Variants in DYSF observed in about 807,000 individuals in gnomAD.
DYSF encodes dystrophy-associated fer-1-like 1.
In DYSF, 212 loss-of-function variants were observed where a neutral mutation model predicts 274.9. The ratio of observed to expected loss-of-function variants is 0.77; its 90% CI spans 0.69 to 0.86. The LOEUF (loss-of-function observed/expected upper bound fraction) is 0.86. Among genes scored for constraint, DYSF ranks in the 40% least tolerant of loss-of-function variants. The pLI is 0.00. For missense variants in DYSF, 2,666 were observed against 2,783.2 expected (o/e 0.96, Z 0.95); for synonymous variants, 1,091 against 1,078.7 (o/e 1.01, Z -0.22).
At chr2:71,453,973 C>A in exon 1 of DYSF, 1 of 1,613,048 alleles carries the variant, frequency 6.2e-7, no homozygotes, top group South Asian at 1.1e-5. Context: ...GCGCCCTGGG[C>A]GCACGGGGCC....
chr2:71,686,325 G>A (rs959388036), intron 55 of DYSF, 129 bp from the exon 56 acceptor site: 10 of 1,160,952 alleles, frequency 8.6e-6, no homozygotes, highest in South Asian at 3.7e-5. Context: ...AGCCACGAGC[G>A]TCCTCTCCCA....
At chr2:71,456,753 T>A (rs1055657513) in intron 1 of DYSF, among the ~76,000 whole-genome samples, 3 of 152,092 alleles carry the variant, frequency 2.0e-5, no homozygotes, top group Non-Finnish European at 4.4e-5. Flanking sequence ...CTGGCCAAGG[T>A]CACATAGTGG....
chr2:71,683,787 G>C (rs893226834), intron 55 of DYSF, among the ~76,000 whole-genome samples: 2 of 152,244 alleles, frequency 1.3e-5, no homozygotes, highest in African/African-American at 4.8e-5. Context: ...CTGCCCCCAG[G>C]TGAGCTCTTT....
rs1207870054 is a variant in DYSF, at chr2:71,611,591, C to A, written c.4186C>A (p.Pro1396Thr). ...TGTCATCAGGAACCTCCGGAAGAAC[C>A]CCAACTTTGACATCTGCACCCTCTT... ...SCVIRNLRKN[P>T]NFDICTLFME... Residue 1396 changes from proline to threonine, a missense_variant, in exon 38 of 56, where the codon CCC becomes ACC. Around this residue, in one of 3 missense-constraint regions of DYSF, gnomAD observed 1,460 missense variants for 1,502.1 expected, o/e 0.97. Transcript: ENST00000410020. The A allele has an allele frequency of 6.2e-7, 1 of 1,614,032 alleles. No individual in the cohort carries two copies. Among genetic ancestry groups the A allele is most frequent in the Admixed American group, 1.7e-5 (1 of 60,008 alleles).
At chr2:71,560,570 A>G (rs1432456490) in intron 22 of DYSF, among the ~76,000 whole-genome samples, 1 of 152,100 alleles carries the variant, frequency 6.6e-6, no homozygotes, top group Non-Finnish European at 1.5e-5. Flanking sequence ...AAGTTTCCCG[A>G]GATGGAGTTT....
At chr2:71,517,732 C>T (rs994499300) in intron 10 of DYSF, among the ~76,000 whole-genome samples, 1 of 152,116 alleles carries the variant, frequency 6.6e-6, no homozygotes, top group Admixed American at 6.5e-5. Flanking sequence ...ATATTTCAGA[C>T]GTCCTGAGAA....
At chr2:71,533,166 T>A (rs1050099715) in intron 14 of DYSF, among the ~76,000 whole-genome samples, 1 of 152,098 alleles carries the variant, frequency 6.6e-6, no homozygotes. Context: ...ACTATAGGCA[T>A]GTGACACCAC....
In DYSF at chr2:71,551,024, C is replaced by T. The variant is rs540107888; in HGVS notation, c.1577-17C>T. On this transcript the variant is annotated splice_polypyrimidine_tract_variant and intron_variant, in intron 17 of 55. Coordinates refer to ENST00000410020, the MANE Select transcript of DYSF (RefSeq NM_001130987.2). ...CCCACTGGGCCGACCCCTCTGATTGCCACTTGTGTCTCCCAGTGGATGACT... is the reference window on the plus strand; with the variant it reads ...CCCACTGGGCCGACCCCTCTGATTGTCACTTGTGTCTCCCAGTGGATGACT... The T allele has an allele frequency of 1.9e-6, 3 of 1,611,730 alleles. No individual in the cohort carries two copies. The African/African-American group carries it at 4.0e-5, about 21-fold the overall frequency.
At chr2:71,666,112 C>T (rs1391938806) in intron 47 of DYSF, among the ~76,000 whole-genome samples, 9 of 147,750 alleles carry the variant, frequency 6.1e-5, no homozygotes, top group Non-Finnish European at 1.2e-4. Flanking sequence ...GGCCATAAGG[C>T]GCCCCCAGCC....
At chr2:71,511,767 C>G (rs2086118003) in intron 4 of DYSF, 40 bp from the exon 5 acceptor site, 1 of 1,244,788 alleles carries the variant, frequency 8.0e-7, no homozygotes, top group African/African-American at 1.6e-5. Context: ...TGGTCCGAGG[C>G]CAGCGCACCA....
chr2:71,458,458 C>T (rs2081159481), intron 1 of DYSF, among the ~76,000 whole-genome samples: 1 of 152,196 alleles, frequency 6.6e-6, no homozygotes, highest in South Asian at 2.1e-4. Context: ...TGTCTGCCCC[C>T]AGGGACACTG....
chr2:71,584,392 G>A (rs1026852019), intron 30 of DYSF, among the ~76,000 whole-genome samples: 4 of 152,140 alleles, frequency 2.6e-5, no homozygotes, highest in African/African-American at 7.2e-5. Flanking sequence ...CCTCCAGGAA[G>A]CCTTCCTGAA....
At chr2:71,517,654 G>A (rs1270429300) in intron 10 of DYSF, among the ~76,000 whole-genome samples, 5 of 152,092 alleles carry the variant, frequency 3.3e-5, no homozygotes, top group South Asian at 2.1e-4. Flanking sequence ...AGCAAGGTGC[G>A]CACGGGAGTT....
At chr2:71,631,183 C>T (rs1046406778) in intron 41 of DYSF, among the ~76,000 whole-genome samples, 1 of 152,166 alleles carries the variant, frequency 6.6e-6, no homozygotes, top group African/African-American at 2.4e-5. Flanking sequence ...GAAGCATTTT[C>T]AGAAGGCATC....
chr2:71,553,976 C>T, intron 21 of DYSF, 45 bp downstream of exon 21: 1 of 1,613,728 alleles, frequency 6.2e-7, no homozygotes, highest in Non-Finnish European at 8.5e-7. Context: ...ATGCATGCAC[C>T]TGCTACCCCC....
chr2:71,618,559 A>AGTGTGTGTGTGTGGTAGAGGTGGAGT (rs151307817), intron 40 of DYSF, among the ~76,000 whole-genome samples: 2 of 113,620 alleles, frequency 1.8e-5, no homozygotes, highest in African/African-American at 7.2e-5. Flanking sequence ...GTAGAGGTGG[A>AGTGTGTGTGTGTGGTAGAGGTGGAGT]GTGTGTGTTT....
intron 3 of DYSF, among the ~76,000 whole-genome samples, chr2:71,495,910 G>C (rs1170959037): frequency 1.3e-5 from 2 of 151,904 alleles, no homozygotes; most frequent in Non-Finnish European, 2.9e-5. Flanking sequence ...ACTCTCATTG[G>C]TGGCTCTCTT....
chr2:71,528,200 C>T, intron 13 of DYSF, 98 bp from the exon 14 acceptor site: 1 of 1,081,684 alleles, frequency 9.2e-7, no homozygotes, highest in Non-Finnish European at 1.4e-6. Context: ...GCTTCTTGCT[C>T]AGGTAGTCCC....
intron 36 of DYSF, among the ~76,000 whole-genome samples, chr2:71,607,511 A>G (rs1320979607): frequency 6.6e-6 from 1 of 152,312 alleles, no homozygotes; most frequent in Non-Finnish European, 1.5e-5. Flanking sequence ...AAAGAGTGAC[A>G]TTATTAGAAA....
Sources: gnomAD v4.1 joint callset for allele counts (sites outside exome capture counted in the v4.1 genomes callset) on GRCh38, gnomAD v4.1.1 for gene constraint, gnomAD v4.1.1 regional missense constraint, MANE v1.5 for transcripts, NCBI Gene and HGNC (gene_info 2026-07-23, HGNC 2026-07-21) for gene names.